The following SLC8A3 variants were observed in gnomAD, a reference collection of about 807,000 sequenced individuals.
SLC8A3 encodes the protein sodium/calcium exchanger 3.
In SLC8A3, 37 loss-of-function variants were observed where a neutral mutation model predicts 65.4. That is an observed-to-expected ratio of 0.57 (90% CI 0.44 to 0.74). SLC8A3 has a LOEUF of 0.74. Among genes scored for constraint, SLC8A3 ranks in the 30% least tolerant of loss-of-function variants. The pLI, the probability that SLC8A3 is intolerant of heterozygous loss-of-function variation, is 0.00. For synonymous variants in SLC8A3, 461 were observed against 444.5 expected (o/e 1.04, Z -0.47); for missense variants, 1,112 against 1,172.1 (o/e 0.95, Z 0.75).
intron 2 of SLC8A3, among the ~76,000 whole-genome samples, chr14:70,069,773 G>T (rs192440074): frequency 1.3e-5 from 2 of 152,158 alleles, no homozygotes; most frequent in African/African-American, 2.4e-5. Context: ...TCTAATTGGC[G>T]TTCTCTTTAA....
chr14:70,046,105 T>A lies in SLC8A3; in HGVS notation c.2608A>T (p.Ile870Phe). 4 of 1,614,162 alleles carry A rather than the reference T, an allele frequency of 2.5e-6. No homozygotes were observed. In the South Asian group the frequency reaches 4.4e-5, roughly 18 times the overall value. The change falls in exon 7 of 7, where the codon ATC becomes TTC. Residue 870 changes from isoleucine (I) to phenylalanine (F), a missense_variant. By Grantham distance (21) the Ile-to-Phe change is conservative. Coordinates refer to ENST00000356921, the MANE Select transcript of SLC8A3 (RefSeq NM_182932.3). This position sits in a 1 kb window ranked among gnomAD's most constrained non-coding sequence, Gnocchi z 4.2. ...TLFTIFAFVC[I>F]SVLLYRRRPH... ...CGCCTTCGGTACAAGAGCACGCTGA[T>A]GCAGACAAATGCAAAGATGGTGAAG...
rs1594875386 is a variant in SLC8A3, at chr14:70,046,039, T to G, written c.2674A>C (p.Lys892Gln). ...GGELGGPRGC[K>Q]LATTWLFVSL... ...ACAAAGAGCCATGTTGTGGCGAGCT[T>G]GCAGCCACGGGGGCCACCAAGCTCC... is the stretch of plus-strand genomic sequence containing the variant. The change falls in exon 7 of 7, where the codon AAG becomes CAG. Residue 892 changes from lysine (K) to glutamine (Q), a missense_variant. Coordinates refer to ENST00000356921, the MANE Select transcript of SLC8A3 (RefSeq NM_182932.3). The surrounding 1 kb of genome is among the most constrained non-coding windows in gnomAD (Gnocchi z 4.2). 1 of 1,613,882 alleles carries G rather than the reference T, an allele frequency of 6.2e-7. No individual in the cohort carries two copies. Among genetic ancestry groups the G allele is most frequent in the East Asian group, 2.2e-5 (1 of 44,882 alleles).
intron 1 of SLC8A3, among the ~76,000 whole-genome samples, chr14:70,178,081 G>T (rs546767633): frequency 1.9e-4 from 29 of 152,176 alleles, no homozygotes; most frequent in Non-Finnish European, 2.9e-4. Context: ...GGCCTAGCAA[G>T]GACCATACCA....
rs1208185138 is a variant in SLC8A3, at chr14:70,174,651, GTTTTTTTTTTGTTTTTTTTTT to G, written c.-62-6188_-62-6168del. Among the ~76,000 whole-genome samples the G allele has an allele frequency of 7.3e-4, 66 of 90,368 alleles. 1 individual carries two copies. The highest frequency in any genetic ancestry group is 2.1e-3 in the African/African-American group (43 of 20,258). The allele number at this position is 90,368 out of a possible 152,430, so 59.3% of individuals were successfully genotyped here. A position where few individuals can be genotyped will look rare whatever the true frequency, so the allele number is the denominator to read the frequency against. On this transcript the variant is annotated intron_variant, in intron 1 of 6. Coordinates refer to ENST00000356921, the MANE Select transcript of SLC8A3 (RefSeq NM_182932.3). Reference sequence around the variant, plus strand: ...CCAAAAAGCCCCTTGGACCAAATCCGTTTTTTTTTTGTTTTTTTTTTTTTTTTTTTTTTTTTTTTGCCTATT... The same window carrying G: ...CCAAAAAGCCCCTTGGACCAAATCCGTTTTTTTTTTTTTTTTTTGCCTATT...
intron 2 of SLC8A3, among the ~76,000 whole-genome samples, chr14:70,141,846 G>T (rs1462668144): frequency 2.0e-5 from 3 of 152,198 alleles, no homozygotes; most frequent in East Asian, 3.8e-4. Flanking sequence ...TCTTATATCA[G>T]CTCTCTGTCT....
At chr14:70,108,015 G>C (rs1335213467) in intron 2 of SLC8A3, among the ~76,000 whole-genome samples, 1 of 151,466 alleles carries the variant, frequency 6.6e-6, no homozygotes, top group Non-Finnish European at 1.5e-5. Context: ...TATAAGAGTT[G>C]CTTTCAACTC....
chr14:70,178,931 CCT>C (rs1436709264), intron 1 of SLC8A3, among the ~76,000 whole-genome samples: 2 of 152,154 alleles, frequency 1.3e-5, no homozygotes, highest in Non-Finnish European at 2.9e-5. Flanking sequence ...TTCTTTGTAT[CCT>C]CTCTCTTTCT....
At chr14:70,083,652 A>ATTTTATTCTC (rs756985096) in intron 2 of SLC8A3, among the ~76,000 whole-genome samples, 1 of 152,166 alleles carries the variant, frequency 6.6e-6, no homozygotes, top group Non-Finnish European at 1.5e-5. Context: ...CAGTTATTTC[A>ATTTTATTCTC]TTTTATTCTC....
chr14:70,187,635 G>GTC (rs1883417129), intron 1 of SLC8A3, among the ~76,000 whole-genome samples: 1 of 141,832 alleles, frequency 7.1e-6, no homozygotes, highest in Non-Finnish European at 1.5e-5. Flanking sequence ...GTGTGTGTGT[G>GTC]TGTGTCCGCG....
chr14:70,060,744 A>T (rs765867099), intron 3 of SLC8A3, 92 bp downstream of exon 3: 1 of 814,036 alleles, frequency 1.2e-6, no homozygotes, highest in East Asian at 2.4e-5. Context: ...AGACAAAAAT[A>T]TAGCTGCTTT....
chr14:70,084,950 T>C (rs1454508751), intron 2 of SLC8A3, among the ~76,000 whole-genome samples: 1 of 152,152 alleles, frequency 6.6e-6, no homozygotes, highest in African/African-American at 2.4e-5. Flanking sequence ...TTAGACAAAC[T>C]GTGTAGTAGG....
chr14:70,049,943 G>A (rs1253317392), intron 5 of SLC8A3, among the ~76,000 whole-genome samples: 1 of 152,250 alleles, frequency 6.6e-6, no homozygotes, highest in East Asian at 1.9e-4. Flanking sequence ...CAGCCCTGGA[G>A]GGGAGGGTAT....
At chr14:70,124,674 T>G (rs2140197994) in intron 2 of SLC8A3, among the ~76,000 whole-genome samples, 1 of 152,388 alleles carries the variant, frequency 6.6e-6, no homozygotes, top group Non-Finnish European at 1.5e-5. Flanking sequence ...CCTGTAGGCC[T>G]GTCTTTCTTG....
chr14:70,119,921 G>A (rs75414140), intron 2 of SLC8A3, among the ~76,000 whole-genome samples: 7,088 of 152,276 alleles, frequency 0.047, 210 homozygotes, highest in Middle Eastern at 0.075. Flanking sequence ...ACCAGATAGG[G>A]GCTACATTTC....
intron 2 of SLC8A3, among the ~76,000 whole-genome samples, chr14:70,089,070 G>C (rs941884673): frequency 7.2e-5 from 11 of 152,164 alleles, no homozygotes; most frequent in Non-Finnish European, 2.9e-5. Flanking sequence ...GCAAACCTCA[G>C]TATGCTCTTC....
chr14:70,170,860 G>T (rs1240697074), intron 1 of SLC8A3, among the ~76,000 whole-genome samples: 3 of 152,172 alleles, frequency 2.0e-5, no homozygotes, highest in Admixed American at 6.5e-5. Context: ...CATCACAACA[G>T]GTGCTGGGAC....
At chr14:70,151,597 C>G (rs923957287) in intron 2 of SLC8A3, among the ~76,000 whole-genome samples, 4 of 152,186 alleles carry the variant, frequency 2.6e-5, no homozygotes, top group Non-Finnish European at 5.9e-5. Flanking sequence ...CTATGGAATG[C>G]TGGAGTAGGC....
chr14:70,114,497 T>C (rs533781957), intron 2 of SLC8A3, among the ~76,000 whole-genome samples: 3 of 152,220 alleles, frequency 2.0e-5, no homozygotes, highest in African/African-American at 2.4e-5. Flanking sequence ...TCTGATTTAA[T>C]TGGCATTGTC....
At chr14:70,139,956 G>A (rs1482595332) in intron 2 of SLC8A3, among the ~76,000 whole-genome samples, 2 of 152,168 alleles carry the variant, frequency 1.3e-5, no homozygotes, top group East Asian at 3.8e-4. Flanking sequence ...GTTGAATCAT[G>A]AACTTGGTTA....
Sources: gnomAD v4.1 joint callset for allele counts (sites outside exome capture counted in the v4.1 genomes callset) on GRCh38, gnomAD v4.1.1 for gene constraint, Gnocchi (gnomAD v3.1) non-coding constraint, MANE v1.5 for transcripts, NCBI Gene and HGNC (gene_info 2026-07-23, HGNC 2026-07-21) for gene names.